TYW1B: variants seen among roughly 807,000 people sequenced by gnomAD.
The protein encoded by TYW1B is S-adenosyl-L-methionine-dependent tRNA 4-demethylwyosine synthase TYW1B.
Under a neutral mutation model 86.9 loss-of-function variants are expected in TYW1B, and 73 were observed. The ratio of observed to expected loss-of-function variants is 0.84; its 90% CI spans 0.70 to 1.02. The LOEUF (loss-of-function observed/expected upper bound fraction) is 1.02. Ranked by LOEUF, TYW1B falls within the 50% of genes least tolerant of loss-of-function variation. The probability of loss-of-function intolerance (pLI) is 0.00; values close to 1 mark genes in which losing one functional copy is unlikely to be tolerated. For synonymous variants in TYW1B, 248 were observed against 292.8 expected (o/e 0.85, Z 1.56); for missense variants, 637 against 827.4 (o/e 0.77, Z 2.82).
intron 10 of TYW1B, among the ~76,000 whole-genome samples, chr7:72,695,421 T>C (rs1329955006): frequency 6.6e-6 from 1 of 152,208 alleles, no homozygotes; most frequent in Admixed American, 6.5e-5. Flanking sequence ...AGAAACCTCA[T>C]ACTTACACAG....
chr7:72,632,469 A>C (rs1282570722), intron 11 of TYW1B, among the ~76,000 whole-genome samples: 3 of 129,392 alleles, frequency 2.3e-5, no homozygotes, highest in Non-Finnish European at 3.1e-5. Context: ...ATACATATAT[A>C]TATAAAATAT....
intron 9 of TYW1B, among the ~76,000 whole-genome samples, chr7:72,721,956 G>A (rs1274742943): frequency 6.6e-6 from 1 of 152,102 alleles, no homozygotes; most frequent in East Asian, 1.9e-4. Flanking sequence ...TAAACATGAT[G>A]TAATGCTCAG....
At chr7:72,639,621 T>C (rs1812755538) in intron 11 of TYW1B, among the ~76,000 whole-genome samples, 2 of 152,120 alleles carry the variant, frequency 1.3e-5, no homozygotes, top group African/African-American at 4.8e-5. Context: ...CCCAGCACTC[T>C]GGGAGGCCGA....
At chr7:72,813,639 G>A (rs1199609973) in intron 3 of TYW1B, among the ~76,000 whole-genome samples, 2 of 152,214 alleles carry the variant, frequency 1.3e-5, no homozygotes, top group Non-Finnish European at 2.9e-5. Flanking sequence ...CACTGCTGTA[G>A]GGTGAAATCC....
chr7:72,576,065 CTTTTGATCGGTTACAAA>C lies in TYW1B; in HGVS notation c.1786-363_1786-347del, dbSNP rs537889403. Reference sequence around the variant, plus strand: ...CTCATTCTAATTCCTGCTGTTGCCGCTTTTGATCGGTTACAAATTTTCAAGGCTGTGTTAACAGCATC... The same window carrying C: ...CTCATTCTAATTCCTGCTGTTGCCGCTTTTCAAGGCTGTGTTAACAGCATC... On this transcript the variant is annotated intron_variant, in intron 13 of 13. Coordinates refer to ENST00000620995, the MANE Select transcript of TYW1B (RefSeq NM_001145440.3). 3.9e-4 allele frequency among the ~76,000 whole-genome samples: 59 copies of C among 152,330 alleles called. 1 individual carries two copies. In the East Asian group the frequency reaches 0.01, roughly 26 times the overall value.
chr7:72,691,375 C>T (rs1386840336), intron 11 of TYW1B, among the ~76,000 whole-genome samples: 4 of 152,190 alleles, frequency 2.6e-5, no homozygotes, highest in Non-Finnish European at 5.9e-5. Flanking sequence ...AACATTCCAA[C>T]AAGAATTACA....
intron 8 of TYW1B, among the ~76,000 whole-genome samples, chr7:72,731,142 A>G (rs1296652502): frequency 1.3e-5 from 2 of 149,918 alleles, no homozygotes; most frequent in Admixed American, 6.6e-5. Flanking sequence ...AAAAAAAAAA[A>G]AAAAAGACCA....
intron 6 of TYW1B, among the ~76,000 whole-genome samples, chr7:72,782,880 AAAAAG>A: frequency 6.6e-6 from 1 of 152,184 alleles, no homozygotes; most frequent in Non-Finnish European, 1.5e-5. Context: ...CAAAGAAAAG[AAAAAG>A]AAAAGATTGG....
chr7:72,724,060 T>G (rs1329654267), intron 9 of TYW1B, among the ~76,000 whole-genome samples: 2 of 151,766 alleles, frequency 1.3e-5, no homozygotes, highest in African/African-American at 4.8e-5. Flanking sequence ...ATAAGATGGA[T>G]TTTCAAAAAT....
At chr7:72,669,134 CTTTTTTTTTTTT>C (rs781821639) in intron 11 of TYW1B, among the ~76,000 whole-genome samples, 7 of 81,522 alleles carry the variant, frequency 8.6e-5, no homozygotes, top group Non-Finnish European at 1.5e-4. Context: ...TAATTTTAAA[CTTTTTTTTTTTT>C]TTTTTTTTTT....
chr7:72,800,781 G>T (rs1220181090), intron 6 of TYW1B, among the ~76,000 whole-genome samples: 1 of 150,466 alleles, frequency 6.6e-6, no homozygotes, highest in Admixed American at 6.7e-5. Context: ...TTTCACCAGG[G>T]TTTTCATAAC....
At chr7:72,643,770 A>G (rs1812859377) in intron 11 of TYW1B, among the ~76,000 whole-genome samples, 2 of 152,166 alleles carry the variant, frequency 1.3e-5, no homozygotes, top group African/African-American at 4.8e-5. Flanking sequence ...CTTAAAGAAA[A>G]CACAACTTAA....
chr7:72,723,605 CA>C (rs1786945593), intron 9 of TYW1B, among the ~76,000 whole-genome samples: 1 of 152,062 alleles, frequency 6.6e-6, no homozygotes, highest in South Asian at 2.1e-4. Context: ...CCCATATCTA[CA>C]AAAATGTTTT....
chr7:72,667,906 T>C (rs1813507228), intron 11 of TYW1B, among the ~76,000 whole-genome samples: 1 of 152,186 alleles, frequency 6.6e-6, no homozygotes, highest in Admixed American at 6.5e-5. Context: ...TTTAAAACCA[T>C]TTTTCTTATT....
chr7:72,798,724 G>C (rs1788352842), intron 6 of TYW1B, among the ~76,000 whole-genome samples: 1 of 152,094 alleles, frequency 6.6e-6, no homozygotes, highest in African/African-American at 2.4e-5. Context: ...GACCATCCTG[G>C]ACTCCCACCT....
intron 7 of TYW1B, among the ~76,000 whole-genome samples, chr7:72,762,451 T>G (rs540556669): frequency 7.9e-4 from 120 of 152,250 alleles, no homozygotes; most frequent in African/African-American, 2.8e-3. Context: ...CCTGTAACTT[T>G]TGTTTTTCCT....
chr7:72,815,577 G>A, intron 2 of TYW1B, 96 bp from the exon 3 acceptor site: 2 of 1,162,982 alleles, frequency 1.7e-6, no homozygotes, highest in Non-Finnish European at 2.5e-6. Flanking sequence ...CATTCCTCAT[G>A]AAAAATGTTT....
chr7:72,810,924 T>C (rs1159673471), intron 3 of TYW1B, among the ~76,000 whole-genome samples: 3 of 151,930 alleles, frequency 2.0e-5, no homozygotes, highest in East Asian at 1.9e-4. Flanking sequence ...ATCCAGACTA[T>C]ACATTCTCAT....
chr7:72,821,547 T>A (rs1191859073), intron 2 of TYW1B, among the ~76,000 whole-genome samples: 3 of 152,218 alleles, frequency 2.0e-5, no homozygotes, highest in African/African-American at 7.2e-5. Flanking sequence ...TGTATCCCCA[T>A]TGCAATGTAC....
Sources: allele counts gnomAD v4.1 joint callset (sites outside exome capture counted in the v4.1 genomes callset), GRCh38; gene constraint gnomAD v4.1.1; transcripts MANE v1.5; gene names NCBI Gene and HGNC (gene_info 2026-07-23, HGNC 2026-07-21).